SND1: variants seen among roughly 807,000 people sequenced by gnomAD.
The protein encoded by SND1 is staphylococcal nuclease and tudor domain containing 1.
SND1 carries 38 observed loss-of-function variants against 121.7 expected under a neutral mutation model. The observed-to-expected ratio is 0.31, with a 90% confidence interval of 0.24 to 0.41. The LOEUF is 0.41. SND1 is among the 10% of genes least tolerant of loss of function. SND1 has a pLI of 1.00. For missense variants in SND1, 868 were observed against 1,184.6 expected (o/e 0.73, Z 3.92); for synonymous variants, 401 against 447.4 (o/e 0.90, Z 1.31).
At chr7:127,662,001 G>A (rs142532550) in intron 1 of SND1, among the ~76,000 whole-genome samples, 5 of 152,052 alleles carry the variant, frequency 3.3e-5, no homozygotes, top group African/African-American at 4.8e-5. Context: ...CTGTAATCCC[G>A]GTTACTCAAG....
chr7:128,088,043 C>T (rs2117068953), intron 21 of SND1, among the ~76,000 whole-genome samples: 1 of 152,208 alleles, frequency 6.6e-6, no homozygotes, highest in South Asian at 2.1e-4. Flanking sequence ...ATAAAGGGTG[C>T]AAATGAAGAA....
chr7:127,992,414 G>T (rs1802542703), intron 16 of SND1, among the ~76,000 whole-genome samples: 1 of 152,126 alleles, frequency 6.6e-6, no homozygotes, highest in Non-Finnish European at 1.5e-5. Context: ...TAAGTGGATG[G>T]GGCAGATATT....
At chr7:127,957,175 G>A (rs538867539) in intron 15 of SND1, among the ~76,000 whole-genome samples, 1 of 152,266 alleles carries the variant, frequency 6.6e-6, no homozygotes, top group South Asian at 2.1e-4. Context: ...TTTCTTCAAA[G>A]GTATCTTGTT....
intron 11 of SND1, among the ~76,000 whole-genome samples, chr7:127,828,297 G>A (rs910410274): frequency 7.3e-5 from 11 of 151,716 alleles, no homozygotes; most frequent in East Asian, 1.9e-4. Context: ...GCGCCCAGCC[G>A]CAAATTTCAT....
chr7:127,796,673 T>C (rs967772640), intron 10 of SND1, among the ~76,000 whole-genome samples: 1 of 152,206 alleles, frequency 6.6e-6, no homozygotes, highest in African/African-American at 2.4e-5. Flanking sequence ...GCTGTAAAAC[T>C]TAAGCTAAGT....
intron 10 of SND1, among the ~76,000 whole-genome samples, chr7:127,763,157 A>T (rs2116480381): frequency 6.6e-6 from 1 of 152,314 alleles, no homozygotes; most frequent in African/African-American, 2.4e-5. Context: ...TCTAATCTGG[A>T]ATAATTCTGG....
rs562744826 is a variant in SND1 at position 127,960,783 on chromosome 7, TGA to T, written c.1670-30160_1670-30159del. On this transcript the variant is annotated intron_variant, in intron 15 of 23. Transcript: ENST00000354725. ...TTTAGGAGAGAGATTAGGACCAGACTGAGAGTCTTTAAGGGATTATATCAGGT... is the reference window on the plus strand; with the variant it reads ...TTTAGGAGAGAGATTAGGACCAGACTGAGTCTTTAAGGGATTATATCAGGT... Among the ~76,000 whole-genome samples the T allele has an allele frequency of 6.6e-5, 10 of 152,362 alleles. No individual in the cohort carries two copies. In the East Asian group the frequency reaches 1.7e-3, roughly 26 times the overall value.
intron 1 of SND1, among the ~76,000 whole-genome samples, chr7:127,657,484 T>A (rs907787111): frequency 1.3e-5 from 2 of 152,052 alleles, no homozygotes; most frequent in African/African-American, 4.8e-5. Context: ...CCACCATTGA[T>A]GATTTATTTT....
At chr7:127,966,357 T>C (rs1801852839) in intron 15 of SND1, among the ~76,000 whole-genome samples, 1 of 147,476 alleles carries the variant, frequency 6.8e-6, no homozygotes, top group East Asian at 2.0e-4. Flanking sequence ...GCGGACCTAA[T>C]AGACATCTAC....
intron 10 of SND1, among the ~76,000 whole-genome samples, chr7:127,727,900 ATATGTCCTGATTTT>A (rs746414764): frequency 4.6e-5 from 7 of 152,148 alleles, no homozygotes; most frequent in Non-Finnish European, 8.8e-5. Context: ...TCCAGGATAT[ATATGTCCTGATTTT>A]TAAGATTAAT....
intron 10 of SND1, among the ~76,000 whole-genome samples, chr7:127,783,108 T>G (rs1174781088): frequency 6.6e-6 from 1 of 152,238 alleles, no homozygotes; most frequent in Admixed American, 6.5e-5. Context: ...TAGTTAGTTA[T>G]CACATGCCTT....
intron 10 of SND1, among the ~76,000 whole-genome samples, chr7:127,789,119 A>T (rs1797865182): frequency 1.3e-5 from 2 of 152,046 alleles, no homozygotes; most frequent in South Asian, 4.1e-4. Flanking sequence ...TGTGTGCAGG[A>T]CTCTCTGCCT....
intron 16 of SND1, among the ~76,000 whole-genome samples, chr7:128,002,715 A>C (rs1339420614): frequency 6.6e-6 from 1 of 152,224 alleles, no homozygotes; most frequent in Non-Finnish European, 1.5e-5. Flanking sequence ...CAGCAACTTG[A>C]AAATGAGGGA....
intron 10 of SND1, among the ~76,000 whole-genome samples, chr7:127,756,680 C>T (rs1389594155): frequency 2.6e-5 from 4 of 152,124 alleles, no homozygotes; most frequent in African/African-American, 7.2e-5. Context: ...GGATATGTGG[C>T]GACTTAGAAT....
intron 10 of SND1, among the ~76,000 whole-genome samples, chr7:127,765,923 G>A (rs1797402460): frequency 6.6e-6 from 1 of 152,254 alleles, no homozygotes; most frequent in African/African-American, 2.4e-5. Flanking sequence ...GATGAACATG[G>A]CATCATATGA....
intron 1 of SND1, among the ~76,000 whole-genome samples, chr7:127,674,228 G>A (rs1277199875): frequency 1.3e-5 from 2 of 152,102 alleles, no homozygotes; most frequent in African/African-American, 4.8e-5. Flanking sequence ...TGGGTACTAG[G>A]TGTGCCCATT....
chr7:128,058,607 A>G (rs1039079171), intron 16 of SND1, among the ~76,000 whole-genome samples: 10 of 152,240 alleles, frequency 6.6e-5, no homozygotes, highest in African/African-American at 2.4e-4. Flanking sequence ...TTTTATGCAG[A>G]GAAGGATTGA....
At position 128,029,177 on chromosome 7, in the gene SND1, G is replaced by A. The variant is rs760464481; in HGVS notation, c.1779+38121G>A. 1 of 1,614,060 alleles carries A rather than the reference G, an allele frequency of 6.2e-7. No individual in the cohort carries two copies. The highest frequency in any genetic ancestry group is 1.1e-5 in the South Asian group (1 of 91,070). ...TCTGAATGAGCACCGTGGTAGAGGT[G>A]GTATATGCCGGCTGGTAACCAGTGG... is the stretch of plus-strand genomic sequence containing the variant. On this transcript the variant is annotated intron_variant, in intron 16 of 23. Transcript: ENST00000354725. The surrounding 1 kb of genome is among the most constrained non-coding windows in gnomAD (Gnocchi z 4.2).
chr7:127,823,941 TTA>T (rs1206565010), intron 11 of SND1, among the ~76,000 whole-genome samples: 1 of 152,226 alleles, frequency 6.6e-6, no homozygotes, highest in Non-Finnish European at 1.5e-5. Context: ...GTGATTTATG[TTA>T]TAGAGTGATG....
Sources: allele counts gnomAD v4.1 joint callset (sites outside exome capture counted in the v4.1 genomes callset), GRCh38; gene constraint gnomAD v4.1.1; non-coding constraint Gnocchi (gnomAD v3.1); transcripts MANE v1.5; gene names NCBI Gene and HGNC (gene_info 2026-07-23, HGNC 2026-07-21).